BRAP: variants seen among roughly 807,000 people sequenced by gnomAD.
BRAP encodes BRCA1 associated protein.
Under a neutral mutation model 73.4 loss-of-function variants are expected in BRAP, and 42 were observed. The observed-to-expected ratio is 0.57, with a 90% CI of 0.45 to 0.74. The LOEUF is 0.74. Ranked by LOEUF, BRAP falls within the 30% of genes least tolerant of loss-of-function variation. The pLI is 0.00. For synonymous variants in BRAP, 255 were observed against 267.4 expected (o/e 0.95, Z 0.45); for missense variants, 593 against 751.4 (o/e 0.79, Z 2.46).
chr12:111,652,818 T>C (rs1411092291), intron 10 of BRAP, among the ~76,000 whole-genome samples: 1 of 152,124 alleles, frequency 6.6e-6, no homozygotes, highest in Non-Finnish European at 1.5e-5. Flanking sequence ...CAAGTGATTC[T>C]CTTGCCTCAG....
chr12:111,642,988 TAA>T lies in BRAP; in HGVS notation c.*1209_*1210del, dbSNP rs1885957434. On this transcript the variant is annotated 3_prime_UTR_variant, in exon 12 of 12. Transcript: ENST00000419234. ...CTGTGGCTAATTATAAAGCAAAAAC[TAA>T]AACCTGTTGTTTAACAATACATCTT... is the stretch of plus-strand genomic sequence containing the variant. 1 of 152,216 alleles carries T rather than the reference TAA, an allele frequency of 6.6e-6. No individual in the cohort carries two copies. 9.4% of individuals were successfully genotyped at this position (152,216 alleles called of 1,614,324 possible).
At chr12:111,647,434 G>T (rs1886148093) in intron 11 of BRAP, among the ~76,000 whole-genome samples, 1 of 152,180 alleles carries the variant, frequency 6.6e-6, no homozygotes, top group African/African-American at 2.4e-5. Context: ...GCAGAGAAAA[G>T]ATTATGCATG....
At position 111,665,611 on chromosome 12, in the gene BRAP, C is replaced by G; in HGVS notation, c.896+28G>C. The G allele has an allele frequency of 6.2e-7, 1 of 1,613,606 alleles. No homozygotes were observed. The highest frequency in any genetic ancestry group is 1.3e-5 in the African/African-American group (1 of 75,032). ...CTGGAAGGGTTGCAATGGGCTTGTA[C>G]ACAGAGGGGTTCGGCCCCTGCACTC... On this transcript the variant is annotated intron_variant, in intron 6 of 11. Coordinates refer to ENST00000419234, the MANE Select transcript of BRAP (RefSeq NM_006768.5). The surrounding 1 kb of genome is among the most constrained non-coding windows in gnomAD (Gnocchi z 4.3).
chr12:111,677,061 A>G (rs912359343), intron 4 of BRAP, among the ~76,000 whole-genome samples: 11 of 152,202 alleles, frequency 7.2e-5, no homozygotes, highest in Non-Finnish European at 2.9e-5. Context: ...ACTTGATCAA[A>G]AGACACAAGG....
rs368217674 is a variant in BRAP, at chr12:111,665,119, TTGTC to T, written c.896+516_896+519del. Among the ~76,000 whole-genome samples, 186 of 152,322 alleles carry T rather than the reference TTGTC, an allele frequency of 1.2e-3. No homozygotes were observed. Among genetic ancestry groups the T allele is most frequent in the African/African-American group, 4.4e-3 (181 of 41,582 alleles). On this transcript the variant is annotated intron_variant, in intron 6 of 11. Coordinates refer to ENST00000419234, the MANE Select transcript of BRAP (RefSeq NM_006768.5). The surrounding 1 kb of genome is among the most constrained non-coding windows in gnomAD (Gnocchi z 4.3). ...AAAAGGTACAGGCCTTACCTGTTCTTTGTCTGTAGCAACATCACCTATGACTAAG... is the reference window on the plus strand; with the variant it reads ...AAAAGGTACAGGCCTTACCTGTTCTTTGTAGCAACATCACCTATGACTAAG...
At chr12:111,685,688 T>C in intron 1 of BRAP, 23 bp downstream of exon 1, 2 of 1,594,100 alleles carry the variant, frequency 1.3e-6, no homozygotes, top group Non-Finnish European at 1.7e-6. Context: ...CTACAGGGAA[T>C]GCGGCGAGGC....
intron 4 of BRAP, among the ~76,000 whole-genome samples, chr12:111,674,010 G>A (rs1045350887): frequency 3.3e-5 from 5 of 152,168 alleles, no homozygotes; most frequent in Non-Finnish European, 7.3e-5. Context: ...TCCAAACACA[G>A]AAAGTTATGT....
intron 10 of BRAP, among the ~76,000 whole-genome samples, chr12:111,650,804 A>T (rs986578506): frequency 6.6e-6 from 1 of 152,212 alleles, no homozygotes; most frequent in African/African-American, 2.4e-5. Context: ...TGTATCATGA[A>T]GCCACATGGA....
chr12:111,651,225 T>TTAA (rs112724065), intron 10 of BRAP, among the ~76,000 whole-genome samples: 2,025 of 147,036 alleles, frequency 0.014, 22 homozygotes, highest in South Asian at 0.022. Flanking sequence ...AGCACTAGCT[T>TTAA]TAATAATAAT....
chr12:111,667,818 G>A (rs1386944376), intron 5 of BRAP, among the ~76,000 whole-genome samples: 2 of 151,494 alleles, frequency 1.3e-5, no homozygotes, highest in Non-Finnish European at 2.9e-5. Context: ...GTTTGAAGAT[G>A]CATTTTCTTT....
chr12:111,682,178 C>T (rs1887624582), intron 2 of BRAP, among the ~76,000 whole-genome samples: 1 of 152,132 alleles, frequency 6.6e-6, no homozygotes, highest in South Asian at 2.1e-4. Flanking sequence ...GTTCTGACCA[C>T]CTCCATGTTG....
chr12:111,642,795 T>G lies in BRAP; in HGVS notation c.*1404A>C. 1 of 152,166 alleles carries G rather than the reference T, an allele frequency of 6.6e-6. No individual in the cohort carries two copies. The highest frequency in any genetic ancestry group is 1.9e-4 in the East Asian group (1 of 5,206). 9.4% of individuals were successfully genotyped at this position (152,166 alleles called of 1,614,324 possible). On this transcript the variant is annotated 3_prime_UTR_variant, in exon 12 of 12. Coordinates refer to ENST00000419234, the MANE Select transcript of BRAP (RefSeq NM_006768.5). ...GTCTGAGTACATTCATTTTGCAACA[T>G]TACACGTAAAGTTTTTTGGGAAATG...
At chr12:111,670,273 A>G in intron 5 of BRAP, 2 of 587,800 alleles carry the variant, frequency 3.4e-6, no homozygotes, top group South Asian at 1.4e-5. Context: ...TACTGGAAGA[A>G]ACAGTTTTAG....
Position 111,644,411 on chromosome 12 carries a change from C to A in BRAP, c.1567G>T (p.Asp523Tyr). The A allele has an allele frequency of 6.2e-7, 1 of 1,614,104 alleles. No individual in the cohort carries two copies. Among genetic ancestry groups the A allele is most frequent in the Non-Finnish European group, 8.5e-7 (1 of 1,180,038 alleles). ...RVLKETCDQK[D>Y]LQITEIQEQL... ...TCCTGGATCTCGGTGATCTGCAGAT[C>A]TTTTTGGTCACAGGTCTCCTTCAGC... Residue 523 changes from aspartate to tyrosine, a missense_variant, in exon 12 of 12, where the codon GAT becomes TAT. Physicochemically the swap from Asp to Tyr is radical, Grantham distance 160. This residue lies in a region of BRAP where 143 missense variants were observed against 190.4 expected (regional missense o/e 0.75). Coordinates refer to ENST00000419234, the MANE Select transcript of BRAP (RefSeq NM_006768.5).
chr12:111,675,070 G>A (rs1420526163), intron 4 of BRAP, among the ~76,000 whole-genome samples: 1 of 152,128 alleles, frequency 6.6e-6, no homozygotes, highest in African/African-American at 2.4e-5. Context: ...AGACCAGCCT[G>A]GGCAACGTGG....
At chr12:111,670,177 G>C in intron 5 of BRAP, 1 of 612,790 alleles carries the variant, frequency 1.6e-6, no homozygotes, top group South Asian at 1.4e-5. Context: ...CAAACTTGGA[G>C]ATCACTGTAG....
chr12:111,676,398 C>T (rs955183021), intron 4 of BRAP, among the ~76,000 whole-genome samples: 3 of 152,090 alleles, frequency 2.0e-5, no homozygotes, highest in African/African-American at 7.2e-5. Context: ...GTGCCTGTTT[C>T]CTCAACTGTA....
chr12:111,651,446 G>C (rs1886319709), intron 10 of BRAP, among the ~76,000 whole-genome samples: 1 of 151,562 alleles, frequency 6.6e-6, no homozygotes, highest in African/African-American at 2.4e-5. Flanking sequence ...GCTGAGGCAG[G>C]GAGCGGCTTG....
intron 4 of BRAP, chr12:111,673,185 T>C: frequency 6.1e-6 from 1 of 162,940 alleles, no homozygotes; most frequent in South Asian, 1.7e-4. Context: ...TAACTGACGC[T>C]TGTTATGAAA....
Sources: allele counts gnomAD v4.1 joint callset (sites outside exome capture counted in the v4.1 genomes callset), GRCh38; gene constraint gnomAD v4.1.1; regional missense constraint gnomAD v4.1.1; non-coding constraint Gnocchi (gnomAD v3.1); transcripts MANE v1.5; gene names NCBI Gene and HGNC (gene_info 2026-07-23, HGNC 2026-07-21).